The following WDR86 variants were observed in gnomAD, a reference collection of about 807,000 sequenced individuals.
WDR86 encodes WD repeat domain 86, also known as WD repeat-containing protein 86.
In WDR86, 30 loss-of-function variants were observed where a neutral mutation model predicts 36.5. That is an observed-to-expected ratio of 0.82 (90% CI 0.61 to 1.11). The LOEUF is 1.11. Among genes scored for constraint, WDR86 ranks in the 50% most tolerant of loss-of-function variants. The probability of loss-of-function intolerance (pLI) is 0.00; values close to 1 mark genes in which losing one functional copy is unlikely to be tolerated. For synonymous variants in WDR86, 255 were observed against 252.9 expected, an observed-to-expected ratio of 1.01 and a Z score of -0.08; for missense variants, 545 against 561.2, an observed-to-expected ratio of 0.97 and a Z score of 0.29.
At chr7:151,398,529 AGT>A (rs1800053240) in intron 2 of WDR86, among the ~76,000 whole-genome samples, 1 of 150,500 alleles carries the variant, frequency 6.6e-6, no homozygotes, top group South Asian at 2.1e-4. Context: ...TTTGTGTATG[AGT>A]GTGTATGTAT....
At chr7:151,389,888 C>T (rs935628551) in intron 3 of WDR86, among the ~76,000 whole-genome samples, 1 of 152,182 alleles carries the variant, frequency 6.6e-6, no homozygotes, top group Non-Finnish European at 1.5e-5. Flanking sequence ...GCAATGGTGC[C>T]GCCTGCCTCA....
In WDR86 at chr7:151,405,282, A is replaced by G. The variant is rs1197022472; in HGVS notation, c.163+4145T>C. On this transcript the variant is annotated intron_variant, in intron 1 of 5. Coordinates refer to ENST00000334493, the MANE Select transcript of WDR86 (RefSeq NM_198285.3). This position sits in a 1 kb window ranked among gnomAD's most constrained non-coding sequence, Gnocchi z 4.7. ...AGGTCAGGATATGTTCCCCTCCCCC[A>G]GCTCCGACCCTGCAGGGCTCCCTCA... 1.3e-5 allele frequency among the ~76,000 whole-genome samples: 2 copies of G among 152,078 alleles called. No homozygotes were observed. The highest frequency in any genetic ancestry group is 2.9e-5 in the Non-Finnish European group (2 of 67,990).
In WDR86 at chr7:151,405,109, T is replaced by A. The variant is rs1800614402; in HGVS notation, c.163+4318A>T. 6.6e-6 allele frequency among the ~76,000 whole-genome samples: 1 copy of A among 152,130 alleles called. No individual in the cohort carries two copies. The highest frequency in any genetic ancestry group is 2.1e-4 in the South Asian group (1 of 4,830). Reference sequence around the variant, plus strand: ...TGCTGTCCAGGACTGAGCCTTCCTCTGCTCCCCAATCCCCCTCTTTTCCAC... The same window carrying A: ...TGCTGTCCAGGACTGAGCCTTCCTCAGCTCCCCAATCCCCCTCTTTTCCAC... On this transcript the variant is annotated intron_variant, in intron 1 of 5. Transcript: ENST00000334493. This position sits in a 1 kb window ranked among gnomAD's most constrained non-coding sequence, Gnocchi z 4.7.
In WDR86 at chr7:151,381,689, C is replaced by A; in HGVS notation, c.1024G>T (p.Val342Leu). The stretch of plus-strand genomic sequence containing the variant: ...CGCGGGGCACCTCGGAGCCCGCGCA[C>A]GTCCCAGAGGCGCAGGGCGCCGTCG... ...SHDGALRLWD[V>L]RGLRGAPRPP... The change falls in exon 6 of 6, where the codon GTG becomes TTG. Residue 342 changes from valine to leucine, a missense_variant. Val to Leu is a conservative substitution (Grantham distance 32). Transcript: ENST00000334493. This position sits in a 1 kb window ranked among gnomAD's most constrained non-coding sequence, Gnocchi z 4.8. 1 of 1,440,880 alleles carries A rather than the reference C, an allele frequency of 6.9e-7. No individual in the cohort carries two copies. Among genetic ancestry groups the A allele is most frequent in the Non-Finnish European group, 9.0e-7 (1 of 1,106,090 alleles). 89.3% of individuals were successfully genotyped at this position (1,440,880 alleles called of 1,614,324 possible). A position where few individuals can be genotyped will look rare whatever the true frequency, so the allele number is the denominator to read the frequency against.
chr7:151,372,839 G>A (rs1798024945), downstream of WDR86, among the ~76,000 whole-genome samples: 1 of 152,130 alleles, frequency 6.6e-6, no homozygotes, highest in Non-Finnish European at 1.5e-5. Flanking sequence ...ACGTAATGGG[G>A]GCATGAGACA....
intron 2 of WDR86, among the ~76,000 whole-genome samples, chr7:151,398,245 T>G (rs1164440882): frequency 6.6e-6 from 1 of 151,884 alleles, no homozygotes; most frequent in African/African-American, 2.4e-5. Context: ...CATGTGTGTG[T>G]TGTGTGTGCA....
chr7:151,381,787 C>G lies in WDR86; in HGVS notation c.967-41G>C. On this transcript the variant is annotated intron_variant, in intron 5 of 5. Coordinates refer to ENST00000334493, the MANE Select transcript of WDR86 (RefSeq NM_198285.3). The surrounding 1 kb of genome is among the most constrained non-coding windows in gnomAD (Gnocchi z 4.8). Reference sequence around the variant, plus strand: ...CGGGCGTCACCGGTGACGCGGTAGGCGGGGGGGACACCGCTGCCCGCGTGG... The same window carrying G: ...CGGGCGTCACCGGTGACGCGGTAGGGGGGGGGGACACCGCTGCCCGCGTGG... The G allele has an allele frequency of 1.3e-6, 2 of 1,483,092 alleles. No homozygotes were observed. Among genetic ancestry groups the G allele is most frequent in the East Asian group, 2.5e-5 (1 of 39,498 alleles). The allele number at this position is 1,483,092 out of a possible 1,614,324, so 91.9% of individuals were successfully genotyped here. A position where few individuals can be genotyped will look rare whatever the true frequency, so the allele number is the denominator to read the frequency against.
At position 151,409,024 on chromosome 7, in the gene WDR86, A is replaced by C. The variant is rs1206888135; in HGVS notation, c.163+403T>G. On this transcript the variant is annotated intron_variant, in intron 1 of 5. Coordinates refer to ENST00000334493, the MANE Select transcript of WDR86 (RefSeq NM_198285.3). This position sits in a 1 kb window ranked among gnomAD's most constrained non-coding sequence, Gnocchi z 5.2. ...CAACAGGAAATGCCAGCAGAAGAGC[A>C]CAATTGGCCACAAAGAGGCCACAAG... is the stretch of plus-strand genomic sequence containing the variant. 2 of 488,398 alleles carry C rather than the reference A, an allele frequency of 4.1e-6. No homozygotes were observed. Among genetic ancestry groups the C allele is most frequent in the Non-Finnish European group, 8.4e-6 (2 of 238,818 alleles). The allele number at this position is 488,398 out of a possible 1,614,324, so 30.3% of individuals were successfully genotyped here. A position where few individuals can be genotyped will look rare whatever the true frequency, so the allele number is the denominator to read the frequency against.
rs144348215 is a variant in WDR86, at chr7:151,404,111, G to C, written c.164-3870C>G. ...AGGGATGCTGAAGACCTGAAATGAGGGACCACTTTATGATGTGTGTAAGGA... is the reference window on the plus strand; with the variant it reads ...AGGGATGCTGAAGACCTGAAATGAGCGACCACTTTATGATGTGTGTAAGGA... On this transcript the variant is annotated intron_variant, in intron 1 of 5. Coordinates refer to ENST00000334493, the MANE Select transcript of WDR86 (RefSeq NM_198285.3). Among the ~76,000 whole-genome samples, 3 of 152,254 alleles carry C rather than the reference G, an allele frequency of 2.0e-5. No homozygotes were observed. In the East Asian group the frequency reaches 5.8e-4, roughly 29 times the overall value.
intron 3 of WDR86, among the ~76,000 whole-genome samples, chr7:151,392,683 C>T (rs1799522939): frequency 6.6e-6 from 1 of 152,178 alleles, no homozygotes; most frequent in African/African-American, 2.4e-5. Flanking sequence ...ACCGGCCGCC[C>T]AGGGACCTCC....
downstream of WDR86, among the ~76,000 whole-genome samples, chr7:151,372,992 G>A (rs966137282): frequency 2.6e-5 from 4 of 152,196 alleles, no homozygotes; most frequent in African/African-American, 9.7e-5. Context: ...CAGCCACTCT[G>A]TTCTGCCTGC....
In WDR86 at chr7:151,381,497, C is replaced by A; in HGVS notation, c.*85G>T. On this transcript the variant is annotated 3_prime_UTR_variant, in exon 6 of 6. Transcript: ENST00000334493. This position sits in a 1 kb window ranked among gnomAD's most constrained non-coding sequence, Gnocchi z 4.8. ...TCGCTCCTCGCCCCTCGCCGGCCAT[C>A]GGGCGCCACCACCGCGGGTAGCAGG... The A allele has an allele frequency of 1.4e-6, 2 of 1,457,406 alleles. No homozygotes were observed. The highest frequency in any genetic ancestry group is 1.3e-5 in the South Asian group (1 of 75,578). The allele number at this position is 1,457,406 out of a possible 1,614,324, so 90.3% of individuals were successfully genotyped here.
chr7:151,370,154 C>T, the WDR86 span, among the ~76,000 whole-genome samples: 2 of 151,364 alleles, frequency 1.3e-5, no homozygotes, highest in African/African-American at 2.4e-5. Flanking sequence ...AGTGCAGTGG[C>T]GTGATCACTG....
downstream of WDR86, chr7:151,380,992 A>AC (rs1357943699): frequency 9.9e-6 from 3 of 303,816 alleles, no homozygotes; most frequent in Non-Finnish European, 1.6e-5. Flanking sequence ...CCCACAAGTC[A>AC]CCCCCAAGGC....
At chr7:151,391,265 C>T (rs1020891523) in intron 3 of WDR86, among the ~76,000 whole-genome samples, 4 of 152,244 alleles carry the variant, frequency 2.6e-5, no homozygotes, top group Admixed American at 6.5e-5. Flanking sequence ...TCCTGCTTCC[C>T]GGATCTGCTC....
intron 1 of WDR86, among the ~76,000 whole-genome samples, chr7:151,400,792 G>A (rs1425341187): frequency 6.6e-6 from 1 of 152,220 alleles, no homozygotes; most frequent in African/African-American, 2.4e-5. Flanking sequence ...TCCTCAGGAC[G>A]CAGCAACCAT....
downstream of WDR86, chr7:151,374,558 G>A (rs75351392): frequency 8.6e-4 from 368 of 426,984 alleles, 2 homozygotes; most frequent in East Asian, 0.011. Flanking sequence ...CAGTTTCCAC[G>A]GCAGAAAAAA....
chr7:151,405,657 C>A lies in WDR86; in HGVS notation c.163+3770G>T, dbSNP rs573290241. ...CGCAGCTTGGCTTTCTGGACTTCTCCGGTGGGAGCGGTCAGTTGCCCCCAA... is the reference window on the plus strand; with the variant it reads ...CGCAGCTTGGCTTTCTGGACTTCTCAGGTGGGAGCGGTCAGTTGCCCCCAA... On this transcript the variant is annotated intron_variant, in intron 1 of 5. Transcript: ENST00000334493. The surrounding 1 kb of genome is among the most constrained non-coding windows in gnomAD (Gnocchi z 4.7). 6.6e-6 allele frequency among the ~76,000 whole-genome samples: 1 copy of A among 152,070 alleles called. No homozygotes were observed. Among genetic ancestry groups the A allele is most frequent in the East Asian group, 1.9e-4 (1 of 5,188 alleles).
At position 151,395,956 on chromosome 7, in the gene WDR86, G is replaced by A. The variant is rs764520722; in HGVS notation, c.546C>T (p.Ser182=). The part of the protein sequence containing the change: ...DGTAKVWQVA[S]GCCHQTLRGH... Reference sequence around the variant, plus strand: ...CCCGCAGCGTCTGGTGGCAGCAGCCGCTGGCCACCTGCCACACCTTGGCTG... The same window carrying A: ...CCCGCAGCGTCTGGTGGCAGCAGCCACTGGCCACCTGCCACACCTTGGCTG... The change falls in exon 3 of 6, where the codon AGC becomes AGT. Residue 182 remains serine, a synonymous_variant. Coordinates refer to ENST00000334493, the MANE Select transcript of WDR86 (RefSeq NM_198285.3). The A allele has an allele frequency of 2.7e-5, 43 of 1,586,052 alleles. No individual in the cohort carries two copies. The highest frequency in any genetic ancestry group is 4.0e-5 in the African/African-American group (3 of 74,436).
Sources: gnomAD v4.1 joint callset for allele counts (sites outside exome capture counted in the v4.1 genomes callset) on GRCh38, gnomAD v4.1.1 for gene constraint, Gnocchi (gnomAD v3.1) non-coding constraint, MANE v1.5 for transcripts, NCBI Gene and HGNC (gene_info 2026-07-23, HGNC 2026-07-21) for gene names.